FSTL5: variants seen among roughly 807,000 people sequenced by gnomAD.
FSTL5 encodes follistatin like 5.
In FSTL5, 62 loss-of-function variants were observed where a neutral mutation model predicts 89.1. That is an observed-to-expected ratio of 0.70 (90% CI 0.57 to 0.86). The LOEUF (loss-of-function observed/expected upper bound fraction) is 0.86. Among genes scored for constraint, FSTL5 ranks in the 40% least tolerant of loss-of-function variants. FSTL5 has a pLI of 0.00. For missense variants in FSTL5, 1,057 were observed against 1,001.6 expected, an observed-to-expected ratio of 1.06 and a Z score of -0.75; for synonymous variants, 383 against 346.2, an observed-to-expected ratio of 1.11 and a Z score of -1.18.
chr4:161,884,711 A>T (rs115704362), intron 4 of FSTL5, among the ~76,000 whole-genome samples: 2,177 of 152,288 alleles, frequency 0.014, 58 homozygotes, highest in African/African-American at 0.05. Flanking sequence ...TTTAATTTAT[A>T]ACTAATAATT....
intron 3 of FSTL5, among the ~76,000 whole-genome samples, chr4:161,954,775 A>G (rs1734984732): frequency 6.6e-6 from 1 of 151,666 alleles, no homozygotes; most frequent in Non-Finnish European, 1.5e-5. Context: ...AACACAGAAC[A>G]TTAAAATGTG....
At chr4:161,710,444 G>T (rs1738740364) in intron 6 of FSTL5, among the ~76,000 whole-genome samples, 1 of 152,128 alleles carries the variant, frequency 6.6e-6, no homozygotes, top group Admixed American at 6.5e-5. Context: ...GACGAGATCT[G>T]GTTTGGCTTT....
intron 2 of FSTL5, among the ~76,000 whole-genome samples, chr4:162,047,056 T>C (rs1387687046): frequency 2.0e-5 from 3 of 152,090 alleles, no homozygotes; most frequent in African/African-American, 4.8e-5. Context: ...CTCTATGATA[T>C]AGAAAATACA....
At chr4:161,906,659 A>G (rs926495386) in intron 4 of FSTL5, among the ~76,000 whole-genome samples, 12 of 152,128 alleles carry the variant, frequency 7.9e-5, no homozygotes, top group African/African-American at 2.9e-4. Flanking sequence ...TATGAATAAC[A>G]AAGGCAAGTA....
intron 3 of FSTL5, among the ~76,000 whole-genome samples, chr4:162,028,377 G>A (rs770845468): frequency 6.6e-6 from 1 of 152,070 alleles, no homozygotes; most frequent in Non-Finnish European, 1.5e-5. Context: ...AGGAGTTCGA[G>A]ACCATCCTGG....
chr4:161,803,297 C>T (rs1057340744), intron 4 of FSTL5, among the ~76,000 whole-genome samples: 1 of 151,850 alleles, frequency 6.6e-6, no homozygotes, highest in East Asian at 1.9e-4. Flanking sequence ...TTCTTGTAGA[C>T]AAATAATACA....
chr4:161,410,422 C>T (rs545590501), intron 15 of FSTL5, among the ~76,000 whole-genome samples: 3 of 152,300 alleles, frequency 2.0e-5, no homozygotes, highest in African/African-American at 7.2e-5. Context: ...ACAGAGTATA[C>T]ATTTTTCGCA....
At chr4:161,983,021 A>G (rs1735868541) in intron 3 of FSTL5, among the ~76,000 whole-genome samples, 1 of 152,226 alleles carries the variant, frequency 6.6e-6, no homozygotes, top group African/African-American at 2.4e-5. Context: ...AAAAAAATGA[A>G]GTTATCATTA....
chr4:162,130,617 C>A (rs2314976), intron 1 of FSTL5, among the ~76,000 whole-genome samples: 24 of 151,938 alleles, frequency 1.6e-4, no homozygotes, highest in East Asian at 1.9e-4. Flanking sequence ...ATGTCAAGCC[C>A]CACAGAGTAA....
In FSTL5 at chr4:161,739,836, T is replaced by C. The variant is rs576184247; in HGVS notation, c.727+19575A>G. Among the ~76,000 whole-genome samples the C allele has an allele frequency of 8.9e-5, 12 of 135,438 alleles. No individual in the cohort carries two copies. The Admixed American group carries it at 9.6e-4, about 11-fold the overall frequency. 88.9% of individuals were successfully genotyped at this position (135,438 alleles called of 152,430 possible). On this transcript the variant is annotated intron_variant, in intron 6 of 15. Coordinates refer to ENST00000306100, the MANE Select transcript of FSTL5 (RefSeq NM_020116.5). Reference sequence around the variant, plus strand: ...CACTTGTTTTTAAAACTGGGCATAATTGGACTCCACAGAAGTAAAAAAAAA... The same window carrying C: ...CACTTGTTTTTAAAACTGGGCATAACTGGACTCCACAGAAGTAAAAAAAAA...
intron 2 of FSTL5, among the ~76,000 whole-genome samples, chr4:162,061,389 ATGACTCAT>A (rs1262927040): frequency 2.0e-5 from 3 of 152,188 alleles, no homozygotes; most frequent in Admixed American, 6.6e-5. Context: ...GGCATGTGCA[ATGACTCAT>A]TCTCTCCATT....
intron 6 of FSTL5, among the ~76,000 whole-genome samples, chr4:161,726,546 C>A (rs192821079): frequency 6.6e-6 from 1 of 152,022 alleles, no homozygotes; most frequent in African/African-American, 2.4e-5. Context: ...ACTCTCAATA[C>A]CGTAAACCTA....
At chr4:161,762,835 A>C (rs1373169317) in intron 5 of FSTL5, among the ~76,000 whole-genome samples, 1 of 152,194 alleles carries the variant, frequency 6.6e-6, no homozygotes, top group Non-Finnish European at 1.5e-5. Flanking sequence ...ATCAGAAGTC[A>C]AGTTATATGA....
chr4:161,539,996 A>G lies in FSTL5; in HGVS notation c.1178-1696T>C, dbSNP rs184757081. On this transcript the variant is annotated intron_variant, in intron 9 of 15. Coordinates refer to ENST00000306100, the MANE Select transcript of FSTL5 (RefSeq NM_020116.5). The stretch of plus-strand genomic sequence containing the variant: ...CCAAATAAATTTCTTCCTTCTTTAA[A>G]TGCTGTCTCCCAATATTTTTACATG... Among the ~76,000 whole-genome samples, 21 of 150,896 alleles carry G rather than the reference A, an allele frequency of 1.4e-4. No homozygotes were observed. The East Asian group carries it at 4.1e-3, about 29-fold the overall frequency.
intron 7 of FSTL5, among the ~76,000 whole-genome samples, chr4:161,638,735 T>C (rs964984972): frequency 6.0e-5 from 8 of 133,540 alleles, no homozygotes; most frequent in Non-Finnish European, 1.3e-4. Flanking sequence ...TGAACATTGA[T>C]GCAAAAATCC....
chr4:161,569,794 CACA>C (rs1560958250), intron 8 of FSTL5, among the ~76,000 whole-genome samples: 12 of 134,742 alleles, frequency 8.9e-5, no homozygotes, highest in African/African-American at 1.6e-4. Flanking sequence ...CACACACACA[CACA>C]CACCCCACAT....
chr4:162,111,597 CT>C (rs1051540453), intron 1 of FSTL5, among the ~76,000 whole-genome samples, 185 bp from the exon 2 acceptor site: 7 of 151,810 alleles, frequency 4.6e-5, no homozygotes, highest in Non-Finnish European at 7.4e-5. Context: ...ATAACAAATA[CT>C]TTTTTTCATT....
At chr4:161,870,613 T>C (rs569678621) in intron 4 of FSTL5, among the ~76,000 whole-genome samples, 1 of 152,246 alleles carries the variant, frequency 6.6e-6, no homozygotes, top group East Asian at 1.9e-4. Context: ...AAATTCTTAA[T>C]GACACTCAAT....
chr4:161,970,814 A>T (rs1195343787), intron 3 of FSTL5, among the ~76,000 whole-genome samples: 2 of 152,130 alleles, frequency 1.3e-5, no homozygotes, highest in East Asian at 1.9e-4. Flanking sequence ...TTGCAAAAAA[A>T]AATTTTCAAT....
Sources: allele counts gnomAD v4.1 joint callset (sites outside exome capture counted in the v4.1 genomes callset), GRCh38; gene constraint gnomAD v4.1.1; transcripts MANE v1.5; gene names NCBI Gene and HGNC (gene_info 2026-07-23, HGNC 2026-07-21).